RPS6KC1: variants seen among roughly 807,000 people sequenced by gnomAD.
RPS6KC1 encodes ribosomal protein S6 kinase C1, also known as inactive ribosomal protein S6 kinase delta-1.
Under a neutral mutation model 103.8 loss-of-function variants are expected in RPS6KC1, and 54 were observed. The observed-to-expected ratio is 0.52, with a 90% confidence interval of 0.42 to 0.65. RPS6KC1 has a LOEUF of 0.65. Among genes scored for constraint, RPS6KC1 ranks in the 30% least tolerant of loss-of-function variants. The pLI is 0.00. For missense variants in RPS6KC1, 1,151 were observed against 1,253.8 expected, an observed-to-expected ratio of 0.92 and a Z score of 1.24; for synonymous variants, 439 against 438.7, an observed-to-expected ratio of 1.00 and a Z score of -0.01.
At chr1:213,688,022 C>A in the RPS6KC1 span, among the ~76,000 whole-genome samples, 3 of 152,148 alleles carry the variant, frequency 2.0e-5, no homozygotes, top group African/African-American at 7.2e-5. Flanking sequence ...TCTCAGATTA[C>A]TCTCAGTTGG....
At chr1:213,688,389 C>G in the RPS6KC1 span, among the ~76,000 whole-genome samples, 29 of 152,180 alleles carry the variant, frequency 1.9e-4, no homozygotes, top group African/African-American at 7.0e-4. Flanking sequence ...CCTCAGTCTC[C>G]ACCCTCCTTG....
the RPS6KC1 span, among the ~76,000 whole-genome samples, chr1:213,806,995 C>A: frequency 6.6e-6 from 1 of 151,950 alleles, no homozygotes; most frequent in Non-Finnish European, 1.5e-5. Flanking sequence ...AATCTCTCAG[C>A]ATTTGCTTGT....
At chr1:213,529,505 GT>G in the RPS6KC1 span, among the ~76,000 whole-genome samples, 1 of 152,136 alleles carries the variant, frequency 6.6e-6, no homozygotes, top group Non-Finnish European at 1.5e-5. Flanking sequence ...AGTCTTCAAA[GT>G]CATACACATA....
chr1:213,167,317 G>A (rs2091047740), intron 6 of RPS6KC1, among the ~76,000 whole-genome samples: 1 of 152,008 alleles, frequency 6.6e-6, no homozygotes, highest in Admixed American at 6.6e-5. Context: ...ATAAGAAGAG[G>A]GTTCTACTAG....
the RPS6KC1 span, among the ~76,000 whole-genome samples, chr1:213,841,760 A>G: frequency 1.4e-4 from 22 of 152,322 alleles, 1 homozygote; most frequent in East Asian, 4.2e-3. Flanking sequence ...GATGTTTGAG[A>G]CAGTGTGTTC....
the RPS6KC1 span, among the ~76,000 whole-genome samples, chr1:213,532,118 C>A: frequency 6.6e-5 from 10 of 152,162 alleles, no homozygotes; most frequent in African/African-American, 2.2e-4. Flanking sequence ...GCAATTGCCC[C>A]CTTCTGCAGG....
chr1:213,220,019 A>G (rs1297302118), intron 8 of RPS6KC1, among the ~76,000 whole-genome samples: 1 of 152,152 alleles, frequency 6.6e-6, no homozygotes, highest in Admixed American at 6.6e-5. Context: ...ATTTAAAAAA[A>G]CCCATCATAT....
the RPS6KC1 span, among the ~76,000 whole-genome samples, chr1:213,699,484 A>G: frequency 6.6e-6 from 1 of 152,196 alleles, no homozygotes; most frequent in South Asian, 2.1e-4. Context: ...TTGCCCTCAA[A>G]TCTTGGCTGT....
chr1:213,688,616 C>T, the RPS6KC1 span, among the ~76,000 whole-genome samples: 4 of 152,338 alleles, frequency 2.6e-5, no homozygotes, highest in South Asian at 8.3e-4. Context: ...ATGCCCTCTT[C>T]CTGGGATGAC....
At chr1:213,154,512 C>G (rs1173023989) in intron 6 of RPS6KC1, among the ~76,000 whole-genome samples, 1 of 152,228 alleles carries the variant, frequency 6.6e-6, no homozygotes, top group Non-Finnish European at 1.5e-5. Flanking sequence ...TGAAGGCAGA[C>G]AAGCCTTACC....
At chr1:213,199,645 A>G (rs1330149760) in intron 8 of RPS6KC1, among the ~76,000 whole-genome samples, 1 of 152,226 alleles carries the variant, frequency 6.6e-6, no homozygotes. Context: ...AGTCTTGGCC[A>G]GGGTAATCAG....
At chr1:213,817,869 G>A in the RPS6KC1 span, 25 of 151,968 alleles carry the variant, frequency 1.6e-4, no homozygotes, top group African/African-American at 5.3e-4. Flanking sequence ...TTTTTCTAAC[G>A]GCATGTGCTC....
chr1:213,259,358 G>A (rs1416117929), intron 12 of RPS6KC1, among the ~76,000 whole-genome samples: 1 of 152,114 alleles, frequency 6.6e-6, no homozygotes, highest in Non-Finnish European at 1.5e-5. Flanking sequence ...TCAGGAGTTC[G>A]AGAACATACA....
chr1:213,413,428 G>A, the RPS6KC1 span, among the ~76,000 whole-genome samples: 2 of 152,238 alleles, frequency 1.3e-5, no homozygotes, highest in Non-Finnish European at 2.9e-5. Context: ...GAGCTGGGAG[G>A]TTGGAGTGGC....
At chr1:213,584,242 C>T in the RPS6KC1 span, among the ~76,000 whole-genome samples, 2 of 152,298 alleles carry the variant, frequency 1.3e-5, no homozygotes, top group South Asian at 4.1e-4. Context: ...TCCTTTAAAC[C>T]TCTTTTTCTT....
At chr1:213,088,577 G>C (rs1349339703) in intron 3 of RPS6KC1, among the ~76,000 whole-genome samples, 1 of 151,952 alleles carries the variant, frequency 6.6e-6, no homozygotes, top group African/African-American at 2.4e-5. Context: ...GGCTGGTCTC[G>C]AACTCCTGAG....
At chr1:213,129,025 G>C (rs974937821) in intron 5 of RPS6KC1, among the ~76,000 whole-genome samples, 3 of 152,094 alleles carry the variant, frequency 2.0e-5, no homozygotes, top group African/African-American at 7.2e-5. Context: ...GCTGGGCTTG[G>C]TGGCTCATGC....
the RPS6KC1 span, among the ~76,000 whole-genome samples, chr1:213,724,396 A>C: frequency 6.6e-6 from 1 of 151,872 alleles, no homozygotes; most frequent in African/African-American, 2.4e-5. Context: ...AGCTTTCTTA[A>C]CTCTGCTTTG....
the RPS6KC1 span, chr1:213,843,386 G>C: frequency 2.0e-5 from 3 of 152,152 alleles, no homozygotes; most frequent in Non-Finnish European, 1.5e-5. Flanking sequence ...TTGGCTAAGA[G>C]ACATTTTTGG....
Sources: gnomAD v4.1 joint callset for allele counts (sites outside exome capture counted in the v4.1 genomes callset) on GRCh38, gnomAD v4.1.1 for gene constraint, MANE v1.5 for transcripts, NCBI Gene and HGNC (gene_info 2026-07-23, HGNC 2026-07-21) for gene names.